Variants in PRRT3 observed in about 807,000 individuals in gnomAD.
The protein encoded by PRRT3 is proline rich transmembrane protein 3.
Under a neutral mutation model 56.6 loss-of-function variants are expected in PRRT3, and 48 were observed. The observed-to-expected ratio is 0.85, with a 90% CI of 0.67 to 1.08. The LOEUF is 1.08. Ranked by LOEUF, PRRT3 falls within the 50% of genes least tolerant of loss-of-function variation. The pLI, the probability that PRRT3 is intolerant of heterozygous loss-of-function variation, is 0.00. For synonymous variants in PRRT3, 641 were observed against 619.1 expected, an observed-to-expected ratio of 1.04 and a Z score of -0.52; for missense variants, 1,370 against 1,353.1, an observed-to-expected ratio of 1.01 and a Z score of -0.20.
In PRRT3 at chr3:9,946,467, G is replaced by A; in HGVS notation, c.2706C>T (p.Ser902=). The A allele has an allele frequency of 6.4e-7, 1 of 1,564,554 alleles. No individual in the cohort carries two copies. The highest frequency in any genetic ancestry group is 1.2e-5 in the South Asian group (1 of 86,146). Residue 902 remains serine (S), a synonymous_variant, in exon 4 of 4, where the codon AGC becomes AGT. Transcript: ENST00000412055. The surrounding 1 kb of genome is among the most constrained non-coding windows in gnomAD (Gnocchi z 4.1). ...AACCCCTGGAGAAGCTGTCGAGGGA[G>A]CTGCCAGAAGCCGCAGCGGCTGCCC... ...PDGAAAAASG[S]SLDSFSRGSL...
In PRRT3 at chr3:9,946,646, G is replaced by A; in HGVS notation, c.2527C>T (p.Pro843Ser). The change falls in exon 4 of 4, where the codon CCG becomes TCG. Residue 843 changes from proline to serine, a missense_variant. Pro to Ser is a moderately conservative substitution (Grantham distance 74). Coordinates refer to ENST00000412055, the MANE Select transcript of PRRT3 (RefSeq NM_207351.5). The surrounding 1 kb of genome is among the most constrained non-coding windows in gnomAD (Gnocchi z 4.1). Reference sequence around the variant, plus strand: ...CGCGGCCGCAGAGCGCCTCCAGGCGGCGGGGAGGCCAGGCCGCGGAGGCCG... The same window carrying A: ...CGCGGCCGCAGAGCGCCTCCAGGCGACGGGGAGGCCAGGCCGCGGAGGCCG... ...RCGLRGLASP[P>S]PGGALRPRRG... 7.2e-7 allele frequency: 1 copy of A among 1,397,090 alleles called. No homozygotes were observed. The highest frequency in any genetic ancestry group is 9.2e-7 in the Non-Finnish European group (1 of 1,085,448). The allele number at this position is 1,397,090 out of a possible 1,614,324, so 86.5% of individuals were successfully genotyped here.
chr3:9,946,639 C>G lies in PRRT3; in HGVS notation c.2534G>C (p.Gly845Ala). ...GLRGLASPPP[G>A]GALRPRRGSH... ...GCCCCGGCGCGGCCGCAGAGCGCCT[C>G]CAGGCGGCGGGGAGGCCAGGCCGCG... Residue 845 changes from glycine to alanine, a missense_variant, in exon 4 of 4, where the codon GGA becomes GCA. Transcript: ENST00000412055. This position sits in a 1 kb window ranked among gnomAD's most constrained non-coding sequence, Gnocchi z 4.1. The G allele has an allele frequency of 7.2e-7, 1 of 1,396,886 alleles. No homozygotes were observed. Among genetic ancestry groups the G allele is most frequent in the Non-Finnish European group, 9.2e-7 (1 of 1,085,212 alleles). The allele number at this position is 1,396,886 out of a possible 1,614,324, so 86.5% of individuals were successfully genotyped here.
At chr3:9,948,987 A>G (rs2085574598) in intron 2 of PRRT3, 74 bp from the exon 3 acceptor site, 2 of 1,518,528 alleles carry the variant, frequency 1.3e-6, no homozygotes, top group South Asian at 1.3e-5. Flanking sequence ...TTGAGTCACA[A>G]TCAACCTCAT....
chr3:9,946,586 C>T lies in PRRT3; in HGVS notation c.2587G>A (p.Ala863Thr). The change falls in exon 4 of 4, where the codon GCT (alanine) becomes ACT (threonine). Residue 863 changes from alanine to threonine, a missense_variant. Coordinates refer to ENST00000412055, the MANE Select transcript of PRRT3 (RefSeq NM_207351.5). This position sits in a 1 kb window ranked among gnomAD's most constrained non-coding sequence, Gnocchi z 4.1. ...CGGCCGCGGAGGAGCGAGGAGCCAG[C>T]GTCGTCGAGCTCGGCTTTGGGATGG... is the stretch of plus-strand genomic sequence containing the variant. ...GSHPKAELDD[A>T]GSSLLRGRCR... 7.1e-7 allele frequency: 1 copy of T among 1,402,936 alleles called. No individual in the cohort carries two copies. Among genetic ancestry groups the T allele is most frequent in the Non-Finnish European group, 9.2e-7 (1 of 1,082,622 alleles). 86.9% of individuals were successfully genotyped at this position (1,402,936 alleles called of 1,614,324 possible).
In PRRT3 at chr3:9,947,616, G is replaced by A. The variant is rs768311066; in HGVS notation, c.1557C>T (p.Ala519=). ...AGCCGTAAGGGTCGGTAAGCATGTA[G>A]GCGGATCGCAGCGCCGAAGCCACGA... ...LVLVASALRS[A]YMLTDPYGSQ... Residue 519 remains alanine, a synonymous_variant, in exon 4 of 4, where the codon GCC becomes GCT. Coordinates refer to ENST00000412055, the MANE Select transcript of PRRT3 (RefSeq NM_207351.5). This position sits in a 1 kb window ranked among gnomAD's most constrained non-coding sequence, Gnocchi z 9.2. 24 of 1,591,040 alleles carry A rather than the reference G, an allele frequency of 1.5e-5. No individual in the cohort carries two copies. The highest frequency in any genetic ancestry group is 4.5e-5 in the South Asian group (4 of 88,490).
chr3:9,946,420 G>A lies in PRRT3; in HGVS notation c.2753C>T (p.Pro918Leu), dbSNP rs370676540. ...CACTGATGACAGCCCGTGGCGCCAG[G>A]GGTTCCAACTGATCTTGAGTGAACC... ...SRGSLKISWNPWRHGLSSVDS... is the reference protein window; with the variant it reads ...SRGSLKISWNLWRHGLSSVDS... The change falls in exon 4 of 4, where the codon CCC becomes CTC. Residue 918 changes from proline (P) to leucine (L), a missense_variant. Pro to Leu is a moderately conservative substitution (Grantham distance 98). Transcript: ENST00000412055. The surrounding 1 kb of genome is among the most constrained non-coding windows in gnomAD (Gnocchi z 4.1). The A allele has an allele frequency of 4.4e-6, 7 of 1,604,000 alleles. No homozygotes were observed. In the South Asian group the frequency reaches 7.8e-5, roughly 18 times the overall value.
At position 9,949,604 on chromosome 3, in the gene PRRT3, G is replaced by A; in HGVS notation, c.512C>T (p.Ser171Phe). The stretch of plus-strand genomic sequence containing the variant: ...TCCCTCTTGGCCTTCATGCTGCAGG[G>A]AGGGAGGAACTGTGGCTACCCTGAG... The part of the protein sequence containing the change: ...RQLRVATVPP[S>F]LQHEGQEGQW... The change falls in exon 2 of 4, where the codon TCC becomes TTC. Residue 171 changes from serine to phenylalanine, a missense_variant. Ser to Phe is a radical substitution (Grantham distance 155). Coordinates refer to ENST00000412055, the MANE Select transcript of PRRT3 (RefSeq NM_207351.5). This position sits in a 1 kb window ranked among gnomAD's most constrained non-coding sequence, Gnocchi z 4.5. The A allele has an allele frequency of 2.5e-6, 4 of 1,614,174 alleles. No individual in the cohort carries two copies. Among genetic ancestry groups the A allele is most frequent in the Non-Finnish European group, 2.5e-6 (3 of 1,180,050 alleles).
chr3:9,947,045 C>T lies in PRRT3; in HGVS notation c.2128G>A (p.Ala710Thr). The change falls in exon 4 of 4, where the codon GCT becomes ACT. Residue 710 changes from alanine to threonine, a missense_variant. Ala to Thr is a moderately conservative substitution (Grantham distance 58). Coordinates refer to ENST00000412055, the MANE Select transcript of PRRT3 (RefSeq NM_207351.5). This position sits in a 1 kb window ranked among gnomAD's most constrained non-coding sequence, Gnocchi z 9.2. ...AARPRPPTEH[A>T]CWAKLMRLAC... ...AGACGCATCAGCTTAGCCCAGCAAG[C>T]GTGCTCCGTGGGCGGCCTGGGTCTC... 3 of 1,535,444 alleles carry T rather than the reference C, an allele frequency of 2.0e-6. No individual in the cohort carries two copies. The highest frequency in any genetic ancestry group is 1.7e-6 in the Non-Finnish European group (2 of 1,145,352).
chr3:9,949,951 G>A lies in PRRT3; in HGVS notation c.165C>T (p.Pro55=), dbSNP rs201186370. The A allele has an allele frequency of 1.1e-5, 17 of 1,592,446 alleles. No individual in the cohort carries two copies. In the East Asian group the frequency reaches 3.8e-4, roughly 36 times the overall value. ...AHPKGSVGSE[P]QAFDVFPENP... ...TCTCCGGGAACACGTCAAAGGCCTGGGGCTCTGAGCCCACAGAGCCCTTGG... is the reference window on the plus strand; with the variant it reads ...TCTCCGGGAACACGTCAAAGGCCTGAGGCTCTGAGCCCACAGAGCCCTTGG... The change falls in exon 2 of 4, where the codon CCC becomes CCT. Residue 55 remains proline (P), a synonymous_variant. Coordinates refer to ENST00000412055, the MANE Select transcript of PRRT3 (RefSeq NM_207351.5). The surrounding 1 kb of genome is among the most constrained non-coding windows in gnomAD (Gnocchi z 4.5).
In PRRT3 at chr3:9,946,105, G is replaced by A; in HGVS notation, c.*122C>T. ...CCCACCTCGGCCTCCCAAAGTGCTG[G>A]GATTCCTGGCGTGAGCCACCGCGCC... is the stretch of plus-strand genomic sequence containing the variant. On this transcript the variant is annotated 3_prime_UTR_variant, in exon 4 of 4. Transcript: ENST00000412055. The surrounding 1 kb of genome is among the most constrained non-coding windows in gnomAD (Gnocchi z 4.1). The A allele has an allele frequency of 7.1e-7, 1 of 1,413,178 alleles. No homozygotes were observed. The highest frequency in any genetic ancestry group is 9.3e-7 in the Non-Finnish European group (1 of 1,073,226). 87.5% of individuals were successfully genotyped at this position (1,413,178 alleles called of 1,614,324 possible).
At position 9,945,981 on chromosome 3, in the gene PRRT3, G is replaced by A. The variant is rs543834855; in HGVS notation, c.*246C>T. ...CCCGAGTAGCTGGGACTACAGGCGT[G>A]TGCCACCTGGCTAATTTTTTTGTAT... On this transcript the variant is annotated 3_prime_UTR_variant, in exon 4 of 4. Transcript: ENST00000412055. 4.2e-6 allele frequency: 2 copies of A among 477,642 alleles called. No homozygotes were observed. Among genetic ancestry groups the A allele is most frequent in the Admixed American group, 8.1e-5 (2 of 24,818 alleles). 29.6% of individuals were successfully genotyped at this position (477,642 alleles called of 1,614,324 possible).
chr3:9,946,230 A>C lies in PRRT3; in HGVS notation c.2943T>G (p.Leu981=), dbSNP rs1397576879. The C allele has an allele frequency of 6.2e-7, 1 of 1,611,838 alleles. No homozygotes were observed. The highest frequency in any genetic ancestry group is 8.5e-7 in the Non-Finnish European group (1 of 1,179,544). The change falls in exon 4 of 4, where the codon CTT becomes CTG. Residue 981 remains leucine, a synonymous_variant. Coordinates refer to ENST00000412055, the MANE Select transcript of PRRT3 (RefSeq NM_207351.5). This position sits in a 1 kb window ranked among gnomAD's most constrained non-coding sequence, Gnocchi z 4.1. The part of the protein sequence containing the change: ...SRSASSDTIE[L] ...GGCCCTGCGTCAGGACCGCTCTTCA[A>C]AGCTCGATGGTATCACTGGAGGCGC...
Position 9,949,786 on chromosome 3 carries a change from G to C in PRRT3, c.330C>G (p.Leu110=). The C allele has an allele frequency of 6.2e-7, 1 of 1,614,198 alleles. No individual in the cohort carries two copies. Among genetic ancestry groups the C allele is most frequent in the Non-Finnish European group, 8.5e-7 (1 of 1,180,028 alleles). The change falls in exon 2 of 4, where the codon CTC becomes CTG. Residue 110 remains leucine (L), a synonymous_variant. Coordinates refer to ENST00000412055, the MANE Select transcript of PRRT3 (RefSeq NM_207351.5). The surrounding 1 kb of genome is among the most constrained non-coding windows in gnomAD (Gnocchi z 4.5). ...CCATCTGGAGGTCATCAGTTACTGG[G>C]AGTCGTTCTCTCTGAGCTCCTTGTG... ...KAAQGAQRER[L]PVTDDLQMAQ...
Position 9,946,422 on chromosome 3 carries a change from G to A in PRRT3, c.2751C>T (p.Asn917=), listed in dbSNP as rs1383768768. The change falls in exon 4 of 4, where the codon AAC becomes AAT. Residue 917 remains asparagine, a synonymous_variant. Coordinates refer to ENST00000412055, the MANE Select transcript of PRRT3 (RefSeq NM_207351.5). This position sits in a 1 kb window ranked among gnomAD's most constrained non-coding sequence, Gnocchi z 4.1. The stretch of plus-strand genomic sequence containing the variant: ...CTGATGACAGCCCGTGGCGCCAGGG[G>A]TTCCAACTGATCTTGAGTGAACCCC... ...FSRGSLKISW[N]PWRHGLSSVD... 1.9e-6 allele frequency: 3 copies of A among 1,603,924 alleles called. No homozygotes were observed. Among genetic ancestry groups the A allele is most frequent in the Admixed American group, 1.7e-5 (1 of 58,680 alleles).
rs765738745 is a variant in PRRT3 at position 9,949,930 on chromosome 3, C to T, written c.186G>A (p.Pro62=). The part of the protein sequence containing the change: ...GSEPQAFDVF[P]ENPRADSHRN... The stretch of plus-strand genomic sequence containing the variant: ...TGTGACTGTCAGCTCTGGGGTTCTC[C>T]GGGAACACGTCAAAGGCCTGGGGCT... The change falls in exon 2 of 4, where the codon CCG becomes CCA. Residue 62 remains proline (P), a synonymous_variant. Transcript: ENST00000412055. The surrounding 1 kb of genome is among the most constrained non-coding windows in gnomAD (Gnocchi z 4.5). 1.2e-5 allele frequency: 20 copies of T among 1,608,730 alleles called. No homozygotes were observed. The highest frequency in any genetic ancestry group is 3.4e-5 in the Admixed American group (2 of 59,206).
At position 9,946,212 on chromosome 3, in the gene PRRT3, C is replaced by A; in HGVS notation, c.*15G>T. ...GGCATCGGGCAGGGTCCTGGCCCTG[C>A]GTCAGGACCGCTCTTCAAAGCTCGA... On this transcript the variant is annotated 3_prime_UTR_variant, in exon 4 of 4. Transcript: ENST00000412055. The surrounding 1 kb of genome is among the most constrained non-coding windows in gnomAD (Gnocchi z 4.1). 1 of 1,608,630 alleles carries A rather than the reference C, an allele frequency of 6.2e-7. No individual in the cohort carries two copies. Among genetic ancestry groups the A allele is most frequent in the Non-Finnish European group, 8.5e-7 (1 of 1,178,076 alleles).
chr3:9,947,485 C>G lies in PRRT3; in HGVS notation c.1688G>C (p.Gly563Ala), dbSNP rs2085546586. The G allele has an allele frequency of 2.5e-6, 4 of 1,612,310 alleles. No individual in the cohort carries two copies. Among genetic ancestry groups the G allele is most frequent in the Non-Finnish European group, 2.5e-6 (3 of 1,179,642 alleles). The change falls in exon 4 of 4, where the codon GGG (glycine) becomes GCG (alanine). Residue 563 changes from glycine to alanine, a missense_variant. Transcript: ENST00000412055. This position sits in a 1 kb window ranked among gnomAD's most constrained non-coding sequence, Gnocchi z 9.2. ...TGGGTTTTGCAGCGGTGGCGGCAGCCCCGCGCCCAGGCCGAGCAGAGTCAG... is the reference window on the plus strand; with the variant it reads ...TGGGTTTTGCAGCGGTGGCGGCAGCGCCGCGCCCAGGCCGAGCAGAGTCAG... ...AALTLLGLGA[G>A]LPPPLQNPLL...
chr3:9,949,079 C>T lies in PRRT3; in HGVS notation c.1015+22G>A. On this transcript the variant is annotated intron_variant, in intron 2 of 3. Transcript: ENST00000412055. The surrounding 1 kb of genome is among the most constrained non-coding windows in gnomAD (Gnocchi z 4.5). ...CATCCAGCTGCCCCAGAACATCGCT[C>T]AGCACACTCATTGATACCCACCTGG... 6.4e-7 allele frequency: 1 copy of T among 1,572,748 alleles called. No homozygotes were observed. Among genetic ancestry groups the T allele is most frequent in the South Asian group, 1.2e-5 (1 of 84,438 alleles).
chr3:9,950,039 A>G lies in PRRT3; in HGVS notation c.77T>C (p.Leu26Pro). The change falls in exon 2 of 4, where the codon CTG becomes CCG. Residue 26 changes from leucine (L) to proline (P), a missense_variant. By Grantham distance (98) the Leu-to-Pro change is moderately conservative (BLOSUM62 -3). Transcript: ENST00000412055. ...AAGTGGCCTGGGAAAGCCCCTCCCC[A>G]GGGCAGGGCCAGTCCCCAGGAGTGG... ...LLPLLGTGPA[L>P]GRGFPRPLEN... 4 of 1,522,094 alleles carry G rather than the reference A, an allele frequency of 2.6e-6. No individual in the cohort carries two copies. The highest frequency in any genetic ancestry group is 3.5e-6 in the Non-Finnish European group (4 of 1,138,308). 94.3% of individuals were successfully genotyped at this position (1,522,094 alleles called of 1,614,324 possible).
Sources: gnomAD v4.1 joint callset for allele counts on GRCh38, gnomAD v4.1.1 for gene constraint, Gnocchi (gnomAD v3.1) non-coding constraint, MANE v1.5 for transcripts, NCBI Gene and HGNC (gene_info 2026-07-23, HGNC 2026-07-21) for gene names.